Variants in EFCAB8 observed in about 807,000 individuals in gnomAD.
The protein encoded by EFCAB8 is EF-hand calcium binding domain 8, also known as EF-hand calcium-binding domain-containing protein 8.
Under a neutral mutation model 116.3 loss-of-function variants are expected in EFCAB8, and 100 were observed. The ratio of observed to expected loss-of-function variants is 0.86; its 90% CI spans 0.73 to 1.02. The LOEUF (loss-of-function observed/expected upper bound fraction) is 1.02, where lower values mean the gene tolerates loss of function less well. EFCAB8 is among the 50% of genes least tolerant of loss of function. The pLI, the probability that EFCAB8 is intolerant of heterozygous loss-of-function variation, is 0.00. For missense variants in EFCAB8, 1,320 were observed against 1,416.9 expected, an observed-to-expected ratio of 0.93 and a Z score of 1.10; for synonymous variants, 558 against 567.9, an observed-to-expected ratio of 0.98 and a Z score of 0.25.
intron 11 of EFCAB8, among the ~76,000 whole-genome samples, chr20:32,905,390 A>AG (rs1308023204): frequency 2.6e-5 from 4 of 152,194 alleles, no homozygotes; most frequent in African/African-American, 9.7e-5. Flanking sequence ...ACGGTCATGC[A>AG]GGACGACTGG....
rs754166862 is a variant in EFCAB8, at chr20:32,911,631, G to A, written c.1709G>A (p.Arg570Gln). The change falls in exon 16 of 27, where the codon CGG becomes CAG. Residue 570 changes from arginine (R) to glutamine (Q), a missense_variant. Arg to Gln is a conservative substitution (Grantham distance 43). Coordinates refer to ENST00000400522, the MANE Select transcript of EFCAB8 (RefSeq NM_001143967.2). ...ESERCLLTGLRDGTMKMWNYN... is the reference protein window; with the variant it reads ...ESERCLLTGLQDGTMKMWNYN... ...GAGCGGTGCCTGCTCACAGGTTTGC[G>A]GGATGGCACAATGAAGATGTGGAAC... is the stretch of plus-strand genomic sequence containing the variant. The A allele has an allele frequency of 3.7e-5, 58 of 1,551,622 alleles. No homozygotes were observed. The highest frequency in any genetic ancestry group is 1.7e-4 in the Middle Eastern group (1 of 6,014).
At chr20:32,861,869 T>C (rs753936089) in intron 1 of EFCAB8, among the ~76,000 whole-genome samples, 4 of 152,240 alleles carry the variant, frequency 2.6e-5, no homozygotes, top group Non-Finnish European at 5.9e-5. Flanking sequence ...CCAGGCTCTT[T>C]TTTATGCATG....
intron 16 of EFCAB8, among the ~76,000 whole-genome samples, chr20:32,912,008 A>G (rs1326430952): frequency 6.6e-6 from 1 of 152,190 alleles, no homozygotes; most frequent in Non-Finnish European, 1.5e-5. Context: ...GGATCAGTTA[A>G]TTCACAGCCA....
intron 5 of EFCAB8, among the ~76,000 whole-genome samples, chr20:32,880,425 T>C (rs937186550): frequency 1.3e-5 from 2 of 152,096 alleles, no homozygotes; most frequent in African/African-American, 4.8e-5. Flanking sequence ...CCTGCCACCA[T>C]GCCTGACTAA....
In EFCAB8 at chr20:32,886,024, C is replaced by T. The variant is rs751346752; in HGVS notation, c.567+384C>T. The stretch of plus-strand genomic sequence containing the variant: ...CTCCCACGCTGTCCCCACGTCCTAC[C>T]GATTCAGGCCTTTTGCCTAGTCCAG... On this transcript the variant is annotated intron_variant, in intron 6 of 26. Transcript: ENST00000400522. 2.2e-4 allele frequency among the ~76,000 whole-genome samples: 34 copies of T among 152,220 alleles called. 1 individual carries two copies. Among genetic ancestry groups the T allele is most frequent in the Non-Finnish European group, 4.3e-4 (29 of 68,050 alleles).
chr20:32,926,591 T>A (rs1987682761), intron 20 of EFCAB8, among the ~76,000 whole-genome samples: 1 of 150,592 alleles, frequency 6.6e-6, no homozygotes, highest in Non-Finnish European at 1.5e-5. Flanking sequence ...ACATGTGCCA[T>A]GCTGGTGCGC....
rs563789547 is a variant in EFCAB8, at chr20:32,892,390, G to C, written c.758+93G>C. On this transcript the variant is annotated intron_variant, in intron 8 of 26. Transcript: ENST00000400522. ...TGACTAGGGTTGGGGCCCCCAGAAA[G>C]CCTCCTTGGAAAGATCTGGAAATAT... is the stretch of plus-strand genomic sequence containing the variant. 77 of 1,159,628 alleles carry C rather than the reference G, an allele frequency of 6.6e-5. No homozygotes were observed. In the African/African-American group the frequency reaches 9.3e-4, roughly 14 times the overall value. The allele number at this position is 1,159,628 out of a possible 1,614,324, so 71.8% of individuals were successfully genotyped here. A position where few individuals can be genotyped will look rare whatever the true frequency, so the allele number is the denominator to read the frequency against.
chr20:32,951,208 C>T (rs2146299810), intron 23 of EFCAB8, among the ~76,000 whole-genome samples: 1 of 152,310 alleles, frequency 6.6e-6, no homozygotes, highest in Middle Eastern at 3.4e-3. Context: ...AAAGCATATG[C>T]CCGGGTAAAG....
At chr20:32,876,737 G>C (rs376844311) in intron 4 of EFCAB8, among the ~76,000 whole-genome samples, 2 of 152,078 alleles carry the variant, frequency 1.3e-5, no homozygotes, top group African/African-American at 2.4e-5. Flanking sequence ...GAGGCCAAGG[G>C]GGGTGGATCG....
At chr20:32,862,692 A>G (rs1428382880) in intron 1 of EFCAB8, among the ~76,000 whole-genome samples, 1 of 152,058 alleles carries the variant, frequency 6.6e-6, no homozygotes, top group African/African-American at 2.4e-5. Flanking sequence ...CAATGGCTCG[A>G]TCTCGGCTCA....
rs181727360 is a variant in EFCAB8 at position 32,939,747 on chromosome 20, T to C, written c.2791-3889T>C. ...TCTTGCTCTGGTACCCAGGCTGGAGTGCAGTGGCGCCACCTCGGTTCACTG... is the reference window on the plus strand; with the variant it reads ...TCTTGCTCTGGTACCCAGGCTGGAGCGCAGTGGCGCCACCTCGGTTCACTG... On this transcript the variant is annotated intron_variant, in intron 22 of 26. Transcript: ENST00000400522. Among the ~76,000 whole-genome samples, 82 of 143,014 alleles carry C rather than the reference T, an allele frequency of 5.7e-4. 3 individuals carry two copies. The highest frequency in any genetic ancestry group is 8.4e-4 in the Non-Finnish European group (55 of 65,248). The allele number at this position is 143,014 out of a possible 152,430, so 93.8% of individuals were successfully genotyped here.
chr20:32,937,199 C>T (rs930069478), intron 22 of EFCAB8, among the ~76,000 whole-genome samples: 1 of 151,942 alleles, frequency 6.6e-6, no homozygotes, highest in African/African-American at 2.4e-5. Context: ...AGGCTGGTCT[C>T]GAACTCCAGA....
chr20:32,920,231 C>T lies in EFCAB8; in HGVS notation c.2412+16C>T. Reference sequence around the variant, plus strand: ...GGTGGAGAAGGTTGGCCGTGATCAGCCAGGGAGAGGGATATGAGCTGGGGA... The same window carrying T: ...GGTGGAGAAGGTTGGCCGTGATCAGTCAGGGAGAGGGATATGAGCTGGGGA... On this transcript the variant is annotated intron_variant, in intron 20 of 26. Coordinates refer to ENST00000400522, the MANE Select transcript of EFCAB8 (RefSeq NM_001143967.2). The T allele has an allele frequency of 6.4e-7, 1 of 1,551,252 alleles. No homozygotes were observed. Among genetic ancestry groups the T allele is most frequent in the African/African-American group, 1.4e-5 (1 of 73,134 alleles).
At chr20:32,879,945 C>T (rs1024228715) in intron 5 of EFCAB8, among the ~76,000 whole-genome samples, 7 of 152,186 alleles carry the variant, frequency 4.6e-5, no homozygotes, top group African/African-American at 1.4e-4. Flanking sequence ...GTTCCTCCCC[C>T]TGGACTCCCT....
At chr20:32,927,097 T>C (rs1280683779) in intron 20 of EFCAB8, among the ~76,000 whole-genome samples, 1 of 152,046 alleles carries the variant, frequency 6.6e-6, no homozygotes, top group Non-Finnish European at 1.5e-5. Context: ...GCAAGAAAAA[T>C]GCACAAAATT....
At chr20:32,879,234 C>G (rs1357489780) in intron 5 of EFCAB8, among the ~76,000 whole-genome samples, 1 of 152,196 alleles carries the variant, frequency 6.6e-6, no homozygotes, top group Non-Finnish European at 1.5e-5. Flanking sequence ...TAGGAGTTTC[C>G]TCCCAGGCAA....
At chr20:32,868,077 A>G (rs1300125694) in intron 3 of EFCAB8, among the ~76,000 whole-genome samples, 1 of 152,000 alleles carries the variant, frequency 6.6e-6, no homozygotes, top group Non-Finnish European at 1.5e-5. Context: ...CAGTTTTGCT[A>G]TTAAAAGTAA....
At chr20:32,890,009 A>G (rs1419074526) in intron 7 of EFCAB8, among the ~76,000 whole-genome samples, 1 of 151,774 alleles carries the variant, frequency 6.6e-6, no homozygotes, top group Non-Finnish European at 1.5e-5. Context: ...TTAAAAAAAA[A>G]AAAAAAAAAA....
intron 14 of EFCAB8, 59 bp from the exon 15 acceptor site, chr20:32,909,762 A>G (rs1986832989): frequency 7.6e-6 from 7 of 915,576 alleles, no homozygotes; most frequent in Non-Finnish European, 1.0e-5. Context: ...CCGGCAGCCC[A>G]TCACTGTGAG....
Sources: gnomAD v4.1 joint callset for allele counts (sites outside exome capture counted in the v4.1 genomes callset) on GRCh38, gnomAD v4.1.1 for gene constraint, MANE v1.5 for transcripts, NCBI Gene and HGNC (gene_info 2026-07-23, HGNC 2026-07-21) for gene names.